Variants in ODAD2 observed in about 807,000 individuals in gnomAD.
ODAD2 encodes the protein outer dynein arm-docking complex subunit 2.
ODAD2 carries 89 observed loss-of-function variants against 106.8 expected under a neutral mutation model. That is an observed-to-expected ratio of 0.83 (90% CI 0.70 to 0.99). The LOEUF (loss-of-function observed/expected upper bound fraction) is 0.99. Among genes scored for constraint, ODAD2 ranks in the 50% least tolerant of loss-of-function variants. The pLI is 0.00. For synonymous variants in ODAD2, 404 were observed against 436.2 expected, an observed-to-expected ratio of 0.93 and a Z score of 0.92; for missense variants, 1,168 against 1,238.5, an observed-to-expected ratio of 0.94 and a Z score of 0.85.
rs1588679684 is a variant in ODAD2, at chr10:27,995,112, A to G, written c.31T>C (p.Trp11Arg). 1.2e-6 allele frequency: 2 copies of G among 1,614,148 alleles called. No individual in the cohort carries two copies. The highest frequency in any genetic ancestry group is 4.5e-5 in the East Asian group (2 of 44,870). The change falls in exon 2 of 20, where the codon TGG becomes CGG. Residue 11 changes from tryptophan (W) to arginine (R), a missense_variant. Trp to Arg is a moderately radical substitution (Grantham distance 101, BLOSUM62 -3). Around this residue, in one of 3 missense-constraint regions of ODAD2, gnomAD observed 430 missense variants for 452.2 expected, o/e 0.95. Coordinates refer to ENST00000305242, the MANE Select transcript of ODAD2 (RefSeq NM_018076.5). ...CCAGTTCCATGTCCGGCAGCAGTCC[A>G]CTGCGTCAATTTCCTCAGAGCCACA... MGVALRKLTQ[W>R]TAAGHGTGIL...
In ODAD2 at chr10:27,939,957, G is replaced by C. The variant is rs1214951603; in HGVS notation, c.2037C>G (p.Val679=). ...IKAERIIENL[V]KNLNSENEQL... is the part of the protein sequence containing the mutation. ...GCTCATTCTCACTATTTAGGTTCTTGACAAGGTTTTCAATGATCCTTTCTG... is the reference window on the plus strand; with the variant it reads ...GCTCATTCTCACTATTTAGGTTCTTCACAAGGTTTTCAATGATCCTTTCTG... The change falls in exon 14 of 20, where the codon GTC becomes GTG. Residue 679 remains valine (V), a synonymous_variant. Transcript: ENST00000305242. The C allele has an allele frequency of 2.5e-6, 4 of 1,611,298 alleles. No individual in the cohort carries two copies. Among genetic ancestry groups the C allele is most frequent in the Non-Finnish European group, 3.4e-6 (4 of 1,178,884 alleles).
chr10:27,885,884 GAT>G (rs1229375042), intron 17 of ODAD2, among the ~76,000 whole-genome samples: 1 of 100,122 alleles, frequency 1.0e-5, no homozygotes, highest in African/African-American at 4.2e-5. Context: ...TATTTGTTTG[GAT>G]ATATATATTT....
rs191045530 is a variant in ODAD2 at position 27,963,714 on chromosome 10, T to C, written c.1239-1999A>G. 5.3e-3 allele frequency among the ~76,000 whole-genome samples: 814 copies of C among 152,254 alleles called. 4 individuals are homozygous for C. The highest frequency in any genetic ancestry group is 0.017 in the Middle Eastern group (5 of 294). ...GTTTCACTACAGAAATGCTCATGTTTTTGATTACAGGGTATTGGCTCACAC... is the reference window on the plus strand; with the variant it reads ...GTTTCACTACAGAAATGCTCATGTTCTTGATTACAGGGTATTGGCTCACAC... On this transcript the variant is annotated intron_variant, in intron 9 of 19. Transcript: ENST00000305242.
At chr10:27,989,094 C>T (rs962002732) in intron 2 of ODAD2, among the ~76,000 whole-genome samples, 41 of 152,120 alleles carry the variant, frequency 2.7e-4, no homozygotes, top group African/African-American at 8.9e-4. Context: ...CTTAAGCCTC[C>T]GGAAGGAATG....
chr10:27,951,459 T>A (rs1847320069), intron 10 of ODAD2, among the ~76,000 whole-genome samples: 1 of 152,194 alleles, frequency 6.6e-6, no homozygotes, highest in Non-Finnish European at 1.5e-5. Flanking sequence ...CGTGTGAGAC[T>A]GCAGAATTTG....
intron 19 of ODAD2, among the ~76,000 whole-genome samples, chr10:27,822,311 G>C (rs1836675970): frequency 1.3e-5 from 2 of 152,204 alleles, no homozygotes; most frequent in African/African-American, 4.8e-5. Flanking sequence ...CTTGTGGTTT[G>C]ACTTGACATT....
intron 17 of ODAD2, among the ~76,000 whole-genome samples, chr10:27,875,906 C>A (rs982977755): frequency 3.3e-5 from 5 of 152,220 alleles, no homozygotes; most frequent in African/African-American, 1.2e-4. Flanking sequence ...ATATCGCACG[C>A]CTGGCTCGGA....
intron 9 of ODAD2, among the ~76,000 whole-genome samples, chr10:27,967,665 C>A (rs1372197316): frequency 6.6e-6 from 1 of 151,958 alleles, no homozygotes; most frequent in African/African-American, 2.4e-5. Flanking sequence ...CCGAGGCAGG[C>A]AGATCACTTG....
chr10:27,893,524 A>G (rs915374991), intron 17 of ODAD2, among the ~76,000 whole-genome samples: 3 of 147,844 alleles, frequency 2.0e-5, no homozygotes, highest in Admixed American at 7.0e-5. Flanking sequence ...TTTTTGCAGC[A>G]TTACTGTCAG....
chr10:27,863,555 G>T (rs534323007), intron 17 of ODAD2, among the ~76,000 whole-genome samples: 1 of 152,172 alleles, frequency 6.6e-6, no homozygotes, highest in African/African-American at 2.4e-5. Context: ...AATGTGGATC[G>T]ACTTTATATA....
intron 6 of ODAD2, among the ~76,000 whole-genome samples, chr10:27,982,908 C>T (rs1202206796): frequency 1.3e-5 from 2 of 152,196 alleles, no homozygotes; most frequent in Non-Finnish European, 2.9e-5. Flanking sequence ...AGCCACCCAG[C>T]CTCTACTTTG....
chr10:27,912,885 TTTAAAAAAATCCTTAAGG>T (rs1477812434), intron 16 of ODAD2, among the ~76,000 whole-genome samples: 2 of 152,280 alleles, frequency 1.3e-5, no homozygotes, highest in East Asian at 3.9e-4. Context: ...GAATTTTACC[TTTAAAAAAATCCTTAAGG>T]TTTTTACGTT....
At chr10:27,905,579 A>T (rs935934932) in intron 17 of ODAD2, among the ~76,000 whole-genome samples, 1 of 152,240 alleles carries the variant, frequency 6.6e-6, no homozygotes, top group Non-Finnish European at 1.5e-5. Flanking sequence ...AGCAAAAAGA[A>T]CAAGGCTGGA....
At chr10:27,837,333 G>A (rs1014690288) in intron 19 of ODAD2, among the ~76,000 whole-genome samples, 1 of 152,152 alleles carries the variant, frequency 6.6e-6, no homozygotes, top group Non-Finnish European at 1.5e-5. Context: ...GGAGGTTTTT[G>A]TTTTTACTTC....
At chr10:27,963,165 A>G (rs1200121796) in intron 9 of ODAD2, among the ~76,000 whole-genome samples, 2 of 151,824 alleles carry the variant, frequency 1.3e-5, no homozygotes, top group Non-Finnish European at 2.9e-5. Flanking sequence ...GCGCCACCAC[A>G]TCTGGCTAAT....
At chr10:27,982,432 C>T (rs961779212) in intron 6 of ODAD2, among the ~76,000 whole-genome samples, 7 of 152,052 alleles carry the variant, frequency 4.6e-5, no homozygotes, top group Non-Finnish European at 8.8e-5. Context: ...GACTCCCTGC[C>T]CCCCTCCAGA....
At position 27,934,951 on chromosome 10, in the gene ODAD2, C is replaced by T. The variant is rs1201238903; in HGVS notation, c.2495+59G>A. ...TCTAAGTGATGACACTATTCTGTGA[C>T]CTCCCAAGTGTTCTCCCTAACACTT... On this transcript the variant is annotated intron_variant, in intron 16 of 19. Transcript: ENST00000305242. 3.8e-6 allele frequency: 6 copies of T among 1,585,260 alleles called. No individual in the cohort carries two copies. The East Asian group carries it at 1.3e-4, about 36-fold the overall frequency.
intron 10 of ODAD2, among the ~76,000 whole-genome samples, chr10:27,955,077 C>A (rs1847624957): frequency 6.6e-6 from 1 of 152,194 alleles, no homozygotes; most frequent in Non-Finnish European, 1.5e-5. Context: ...AATGTAGCAA[C>A]ACATCTACTA....
intron 17 of ODAD2, among the ~76,000 whole-genome samples, chr10:27,886,186 G>A (rs1487673339): frequency 2.7e-5 from 4 of 150,436 alleles, no homozygotes; most frequent in African/African-American, 9.8e-5. Context: ...CAAACAATTC[G>A]AAGTAGGACA....
Sources: allele counts gnomAD v4.1 joint callset (sites outside exome capture counted in the v4.1 genomes callset), GRCh38; gene constraint gnomAD v4.1.1; regional missense constraint gnomAD v4.1.1; transcripts MANE v1.5; gene names NCBI Gene and HGNC (gene_info 2026-07-23, HGNC 2026-07-21).